Variants in ITPR2 observed in about 807,000 individuals in gnomAD.
ITPR2 encodes the protein inositol 1,4,5-trisphosphate receptor type 2, also known as inositol 1,4,5-trisphosphate-gated calcium channel ITPR2.
ITPR2 carries 207 observed loss-of-function variants against 317.1 expected under a neutral mutation model. The observed-to-expected ratio is 0.65, with a 90% CI of 0.58 to 0.73. ITPR2 has a LOEUF of 0.73. Ranked by LOEUF, ITPR2 falls within the 30% of genes least tolerant of loss-of-function variation. The pLI, the probability that ITPR2 is intolerant of heterozygous loss-of-function variation, is 0.00. For missense variants in ITPR2, 2,613 were observed against 3,284.0 expected, an observed-to-expected ratio of 0.80 and a Z score of 4.99; for synonymous variants, 1,156 against 1,149.1, an observed-to-expected ratio of 1.01 and a Z score of -0.12.
At chr12:26,351,137 G>A (rs1406374815) in intron 55 of ITPR2, among the ~76,000 whole-genome samples, 1 of 152,226 alleles carries the variant, frequency 6.6e-6, no homozygotes, top group Non-Finnish European at 1.5e-5. Flanking sequence ...CACCTCTGAT[G>A]AGTGACTTGC....
intron 51 of ITPR2, 94 bp downstream of exon 51, chr12:26,415,209 T>C: frequency 1.2e-6 from 1 of 802,996 alleles, no homozygotes; most frequent in Non-Finnish European, 2.0e-6. Flanking sequence ...AGAAAACATT[T>C]CCTCTATTCG....
At chr12:26,828,202 T>C (rs1951037145) in intron 1 of ITPR2, among the ~76,000 whole-genome samples, 1 of 152,172 alleles carries the variant, frequency 6.6e-6, no homozygotes. Flanking sequence ...AAAATTCAAC[T>C]AGAGAGATGC....
At position 26,722,559 on chromosome 12, in the gene ITPR2, T is replaced by A. The variant is rs1948855726; in HGVS notation, c.367-4A>T. 6.2e-7 allele frequency: 1 copy of A among 1,605,378 alleles called. No homozygotes were observed. Among genetic ancestry groups the A allele is most frequent in the South Asian group, 1.1e-5 (1 of 90,376 alleles). ...TGTTGCTTTTTATATGCAGTAGCTA[T>A]AGGGAAAAGACATAGATTACCACCT... On this transcript the variant is annotated splice_region_variant and splice_polypyrimidine_tract_variant and intron_variant, in intron 4 of 56. Coordinates refer to ENST00000381340, the MANE Select transcript of ITPR2 (RefSeq NM_002223.4).
intron 13 of ITPR2, among the ~76,000 whole-genome samples, chr12:26,674,429 G>A (rs61922687): frequency 0.17 from 26,137 of 151,842 alleles, 2,988 homozygotes; most frequent in Non-Finnish European, 0.25. Flanking sequence ...AAACCTGAGA[G>A]AAACAAGCAA....
At chr12:26,549,983 G>A (rs1367929945) in intron 37 of ITPR2, among the ~76,000 whole-genome samples, 1 of 151,758 alleles carries the variant, frequency 6.6e-6, no homozygotes, top group African/African-American at 2.4e-5. Flanking sequence ...AAAGCCATAA[G>A]AGGAAAAAAC....
chr12:26,415,053 T>C (rs1191355857), intron 51 of ITPR2, among the ~76,000 whole-genome samples: 3 of 152,166 alleles, frequency 2.0e-5, no homozygotes, highest in East Asian at 3.8e-4. Context: ...GTCAGCTTTA[T>C]TGAAACTTTC....
intron 55 of ITPR2, among the ~76,000 whole-genome samples, chr12:26,360,447 A>C (rs1054499599): frequency 5.9e-5 from 9 of 152,178 alleles, no homozygotes; most frequent in Non-Finnish European, 1.3e-4. Context: ...GAGCCCAGGA[A>C]GCCTTGCCCT....
chr12:26,758,888 T>G (rs186741524), intron 2 of ITPR2, among the ~76,000 whole-genome samples: 1 of 152,230 alleles, frequency 6.6e-6, no homozygotes, highest in African/African-American at 2.4e-5. Flanking sequence ...AAAAAACTTA[T>G]AGTTTTTCAA....
intron 34 of ITPR2, among the ~76,000 whole-genome samples, chr12:26,565,362 G>A (rs1944922162): frequency 6.6e-6 from 1 of 151,994 alleles, no homozygotes; most frequent in African/African-American, 2.4e-5. Context: ...GTCCTAAATG[G>A]TTATAGCAGA....
intron 7 of ITPR2, 113 bp from the exon 8 acceptor site, chr12:26,715,558 T>G: frequency 2.1e-6 from 2 of 959,506 alleles, no homozygotes; most frequent in Non-Finnish European, 3.1e-6. Context: ...AAAGCTTATT[T>G]AAATTTATTT....
chr12:26,738,597 C>T (rs11614041), intron 2 of ITPR2, among the ~76,000 whole-genome samples: 24,565 of 151,962 alleles, frequency 0.16, 2,753 homozygotes, highest in Non-Finnish European at 0.24. Flanking sequence ...CTCTTTTTGT[C>T]GGTTTTTGAG....
At chr12:26,756,621 C>T (rs1345651127) in intron 2 of ITPR2, among the ~76,000 whole-genome samples, 6 of 152,242 alleles carry the variant, frequency 3.9e-5, no homozygotes, top group Non-Finnish European at 4.4e-5. Context: ...GGATAGCCCT[C>T]ACCATACTGA....
At chr12:26,677,628 G>A (rs535453751) in intron 13 of ITPR2, among the ~76,000 whole-genome samples, 1 of 152,090 alleles carries the variant, frequency 6.6e-6, no homozygotes, top group Admixed American at 6.5e-5. Flanking sequence ...TAGACTATCA[G>A]ATTGGATTGT....
chr12:26,412,395 T>G (rs990086545), intron 51 of ITPR2, among the ~76,000 whole-genome samples: 3 of 152,144 alleles, frequency 2.0e-5, no homozygotes, highest in African/African-American at 7.2e-5. Context: ...CTCCATCCCC[T>G]GAGGGTGGGC....
chr12:26,401,319 G>A (rs1009222896), intron 52 of ITPR2, among the ~76,000 whole-genome samples: 2 of 152,148 alleles, frequency 1.3e-5, no homozygotes, highest in Non-Finnish European at 2.9e-5. Flanking sequence ...AATTGGGGCA[G>A]ATATTATTTC....
intron 37 of ITPR2, among the ~76,000 whole-genome samples, chr12:26,534,107 T>G (rs1944019138): frequency 6.6e-6 from 1 of 152,194 alleles, no homozygotes; most frequent in African/African-American, 2.4e-5. Flanking sequence ...ACACCAGCCA[T>G]CACGTCAGTG....
At chr12:26,651,641 T>C (rs1233268476) in intron 21 of ITPR2, among the ~76,000 whole-genome samples, 4 of 152,232 alleles carry the variant, frequency 2.6e-5, no homozygotes, top group African/African-American at 9.6e-5. Flanking sequence ...TTCCATCCAC[T>C]GAGGTGTTTA....
In ITPR2 at chr12:26,407,701, G is replaced by C. The variant is rs189964042; in HGVS notation, c.7399+3619C>G. On this transcript the variant is annotated intron_variant, in intron 52 of 56. Transcript: ENST00000381340. ...TAGGAGGCAATAAGACAGAAGGTTG[G>C]AATATAAGCTTTGAAATCTATGTTG... Among the ~76,000 whole-genome samples the C allele has an allele frequency of 3.3e-3, 496 of 152,260 alleles. 3 individuals carry two copies. The highest frequency in any genetic ancestry group is 0.011 in the African/African-American group (468 of 41,532).
At chr12:26,356,450 A>T (rs1214972035) in intron 55 of ITPR2, among the ~76,000 whole-genome samples, 1 of 152,252 alleles carries the variant, frequency 6.6e-6, no homozygotes, top group African/African-American at 2.4e-5. Context: ...GTATGCTCTA[A>T]TTCCAGAGGA....
Sources: allele counts gnomAD v4.1 joint callset (sites outside exome capture counted in the v4.1 genomes callset), GRCh38; gene constraint gnomAD v4.1.1; transcripts MANE v1.5; gene names NCBI Gene and HGNC (gene_info 2026-07-23, HGNC 2026-07-21).